NBEAL1: variants seen among roughly 807,000 people sequenced by gnomAD.
NBEAL1 encodes the protein neurobeachin like 1.
In NBEAL1, 273 loss-of-function variants were observed where a neutral mutation model predicts 351.3. The observed-to-expected ratio is 0.78, with a 90% CI of 0.70 to 0.86. The LOEUF is 0.86. Ranked by LOEUF, NBEAL1 falls within the 40% of genes least tolerant of loss-of-function variation. The pLI is 0.00. For synonymous variants in NBEAL1, 1,050 were observed against 1,086.4 expected, an observed-to-expected ratio of 0.97 and a Z score of 0.66; for missense variants, 2,961 against 3,201.3, an observed-to-expected ratio of 0.92 and a Z score of 1.81.
chr2:203,033,237 T>C (rs1227993997), intron 2 of NBEAL1, among the ~76,000 whole-genome samples: 1 of 152,186 alleles, frequency 6.6e-6, no homozygotes, highest in East Asian at 1.9e-4. Context: ...CCTGACCTCG[T>C]GATCTGCCCA....
intron 27 of NBEAL1, among the ~76,000 whole-genome samples, chr2:203,135,128 A>G (rs1009971342): frequency 2.6e-5 from 4 of 151,680 alleles, no homozygotes; most frequent in Admixed American, 1.3e-4. Context: ...GTGAGTCAAG[A>G]TCGCACCACT....
intron 44 of NBEAL1, among the ~76,000 whole-genome samples, chr2:203,187,356 C>A (rs1205916538): frequency 7.4e-6 from 1 of 135,658 alleles, no homozygotes; most frequent in Non-Finnish European, 1.5e-5. Context: ...CCATGCCTGG[C>A]TCTTGCAATG....
At chr2:203,094,557 G>A (rs916070000) in intron 10 of NBEAL1, among the ~76,000 whole-genome samples, 1 of 152,136 alleles carries the variant, frequency 6.6e-6, no homozygotes, top group African/African-American at 2.4e-5. Context: ...GCTGGCGGCT[G>A]CTGTTTTCAT....
At chr2:203,111,137 C>G (rs1001521146) in intron 15 of NBEAL1, among the ~76,000 whole-genome samples, 2 of 151,886 alleles carry the variant, frequency 1.3e-5, no homozygotes, top group Non-Finnish European at 2.9e-5. Context: ...GCCAGGAGTT[C>G]AAGACCAGCC....
intron 50 of NBEAL1, 119 bp from the exon 51 acceptor site, chr2:203,202,566 TAC>T: frequency 1.5e-6 from 1 of 667,430 alleles, no homozygotes. Context: ...GTACCATGTC[TAC>T]ATTCCTCCCT....
chr2:203,199,051 G>A (rs1194447646), intron 48 of NBEAL1, among the ~76,000 whole-genome samples: 4 of 151,844 alleles, frequency 2.6e-5, no homozygotes, highest in African/African-American at 9.7e-5. Flanking sequence ...ACAAAAATTA[G>A]CCAGGCATGG....
At chr2:203,140,613 G>A (rs950433623) in intron 31 of NBEAL1, among the ~76,000 whole-genome samples, 1 of 151,908 alleles carries the variant, frequency 6.6e-6, no homozygotes, top group Admixed American at 6.6e-5. Context: ...AAAGTACACA[G>A]ATGGTGGAAT....
chr2:203,206,327 T>A (rs989579455), intron 51 of NBEAL1, among the ~76,000 whole-genome samples: 3 of 152,194 alleles, frequency 2.0e-5, no homozygotes, highest in African/African-American at 7.2e-5. Flanking sequence ...AAAATACCAT[T>A]ACAAACACAA....
At chr2:203,060,513 G>A (rs372827649) in intron 6 of NBEAL1, among the ~76,000 whole-genome samples, 15 of 152,158 alleles carry the variant, frequency 9.9e-5, no homozygotes, top group East Asian at 1.9e-4. Flanking sequence ...AATTACCTCC[G>A]TATAGGAATA....
chr2:203,132,494 G>T (rs1275658273), intron 26 of NBEAL1, among the ~76,000 whole-genome samples: 1 of 152,090 alleles, frequency 6.6e-6, no homozygotes, highest in African/African-American at 2.4e-5. Context: ...TTTTGTTCTG[G>T]TTTTTTGGTT....
chr2:203,066,167 TTTA>T (rs1410579653), intron 6 of NBEAL1, among the ~76,000 whole-genome samples: 3 of 152,214 alleles, frequency 2.0e-5, no homozygotes, highest in Non-Finnish European at 4.4e-5. Flanking sequence ...GAAGTACATT[TTTA>T]TTATGTTAAT....
At chr2:203,021,216 A>G (rs910134204) in intron 2 of NBEAL1, among the ~76,000 whole-genome samples, 1 of 151,824 alleles carries the variant, frequency 6.6e-6, no homozygotes, top group Non-Finnish European at 1.5e-5. Flanking sequence ...TCCTGACCTC[A>G]GGCGATCCAC....
At chr2:203,176,697 A>C (rs2064513402) in intron 42 of NBEAL1, among the ~76,000 whole-genome samples, 1 of 149,170 alleles carries the variant, frequency 6.7e-6, no homozygotes, top group Non-Finnish European at 1.5e-5. Context: ...GTGCCACTGC[A>C]CTCCAGGCTG....
chr2:203,207,357 C>G (rs2105835267), intron 51 of NBEAL1, among the ~76,000 whole-genome samples: 1 of 152,284 alleles, frequency 6.6e-6, no homozygotes, highest in South Asian at 2.1e-4. Context: ...CCCGGCCGCC[C>G]CTACTGGGAA....
chr2:203,204,009 A>G (rs550373950), intron 51 of NBEAL1, among the ~76,000 whole-genome samples: 1 of 150,682 alleles, frequency 6.6e-6, no homozygotes, highest in African/African-American at 2.4e-5. Context: ...GCTCACTGCA[A>G]CCTCCACCTC....
intron 43 of NBEAL1, chr2:203,182,145 G>A (rs2064737222): frequency 6.6e-6 from 1 of 152,134 alleles, no homozygotes; most frequent in African/African-American, 2.4e-5. Context: ...TCAAAATTGT[G>A]CAAACAAGGA....
chr2:203,107,620 G>C lies in NBEAL1; in HGVS notation c.1381G>C (p.Asp461His). The change falls in exon 14 of 56, where the codon GAC becomes CAC. Residue 461 changes from aspartate to histidine, a missense_variant. Coordinates refer to ENST00000683969, the MANE Select transcript of NBEAL1 (RefSeq NM_001378026.1). ...TGTTGCTTTTCAGGCTGTAGAGGGT[G>C]ACCACACTTCAGTTGGGATTTTGGG... ...KELMNMAVEG[D>H]HTSVGILGIS... 2 of 1,551,700 alleles carry C rather than the reference G, an allele frequency of 1.3e-6. No individual in the cohort carries two copies. The highest frequency in any genetic ancestry group is 1.7e-6 in the Non-Finnish European group (2 of 1,146,782).
intron 2 of NBEAL1, among the ~76,000 whole-genome samples, chr2:203,018,868 C>G (rs994627229): frequency 1.3e-5 from 2 of 152,116 alleles, no homozygotes; most frequent in African/African-American, 4.8e-5. Context: ...TAAAAACAAT[C>G]ATGACACAAT....
At chr2:203,105,105 C>A (rs903247704) in intron 12 of NBEAL1, among the ~76,000 whole-genome samples, 1 of 151,974 alleles carries the variant, frequency 6.6e-6, no homozygotes, top group Admixed American at 6.5e-5. Context: ...GATCTACCCC[C>A]CTCAGCCTCC....
Sources: gnomAD v4.1 joint callset for allele counts (sites outside exome capture counted in the v4.1 genomes callset) on GRCh38, gnomAD v4.1.1 for gene constraint, MANE v1.5 for transcripts, NCBI Gene and HGNC (gene_info 2026-07-23, HGNC 2026-07-21) for gene names.